The following DEF8 variants were observed in gnomAD, a reference collection of about 807,000 sequenced individuals.
DEF8 encodes the protein DEF-8.
DEF8 carries 38 observed loss-of-function variants against 59.1 expected under a neutral mutation model. That is an observed-to-expected ratio of 0.64 (90% CI 0.50 to 0.84). The LOEUF is 0.84. Ranked by LOEUF, DEF8 falls within the 40% of genes least tolerant of loss-of-function variation. The pLI is 0.00. For missense variants in DEF8, 557 were observed against 615.2 expected, an observed-to-expected ratio of 0.91 and a Z score of 1.00; for synonymous variants, 265 against 250.1, an observed-to-expected ratio of 1.06 and a Z score of -0.56.
chr16:89,958,303 C>T (rs2033544072), intron 5 of DEF8: 1 of 153,996 alleles, frequency 6.5e-6, no homozygotes, highest in Admixed American at 6.4e-5. Context: ...GTGTGCCCAC[C>T]CACTGAAGCA....
chr16:89,963,532 T>C, intron 10 of DEF8, 89 bp downstream of exon 10: 3 of 1,081,678 alleles, frequency 2.8e-6, no homozygotes, highest in South Asian at 1.4e-5. Flanking sequence ...GGACAGCTTG[T>C]GCGTGGAGTG....
chr16:89,963,297 C>G (rs1169159392), intron 9 of DEF8, 66 bp from the exon 10 acceptor site: 2 of 1,409,726 alleles, frequency 1.4e-6, no homozygotes, highest in Admixed American at 2.1e-5. Flanking sequence ...CCCGGGTGTG[C>G]GGCCCACACA....
rs759804010 is a variant in DEF8, at chr16:89,961,847, G to A, written c.790G>A (p.Asp264Asn). Reference protein sequence around the residue: ...VIPARVVHNWDFEPRKVSRCS... With the variant: ...VIPARVVHNWNFEPRKVSRCS... ...CCCTGCACGCGTTGTACACAACTGG[G>A]ACTTTGAGCCTCGAAAGGTGGGGGT... is the stretch of plus-strand genomic sequence containing the variant. Residue 264 changes from aspartate (D) to asparagine (N), a missense_variant, in exon 8 of 13, where the codon GAC (aspartate) becomes AAC (asparagine). Asp to Asn is a conservative substitution (Grantham distance 23). Coordinates refer to ENST00000563594, the MANE Select transcript of DEF8 (RefSeq NM_001242818.2). 6.2e-7 allele frequency: 1 copy of A among 1,605,136 alleles called. No homozygotes were observed. The highest frequency in any genetic ancestry group is 1.1e-5 in the South Asian group (1 of 90,036).
In DEF8 at chr16:89,962,072, C is replaced by T. The variant is rs150893049; in HGVS notation, c.868C>T (p.Arg290Trp). Reference sequence around the variant, plus strand: ...GGTGTCTCGGCCCGTACTCAGGCTCCGGGAGATCAACCCTCTGCTGTTCAG... The same window carrying T: ...GGTGTCTCGGCCCGTACTCAGGCTCTGGGAGATCAACCCTCTGCTGTTCAG... ...LMVSRPVLRL[R>W]EINPLLFSYV... Residue 290 changes from arginine (R) to tryptophan (W), a missense_variant, in exon 9 of 13, where the codon CGG becomes TGG. Arg to Trp is a moderately radical substitution (Grantham distance 101). Transcript: ENST00000563594. 2.6e-5 allele frequency: 42 copies of T among 1,614,038 alleles called. No homozygotes were observed. The highest frequency in any genetic ancestry group is 3.2e-5 in the Non-Finnish European group (38 of 1,179,998).
chr16:89,957,362 G>C (rs1439256477), intron 4 of DEF8, 149 bp from the exon 5 acceptor site: 1 of 842,114 alleles, frequency 1.2e-6, no homozygotes, highest in African/African-American at 1.7e-5. Flanking sequence ...TTCCTGCCCT[G>C]GAGCAAGTCC....
chr16:89,961,948 G>A, intron 8 of DEF8, 64 bp from the exon 9 acceptor site: 1 of 1,606,296 alleles, frequency 6.2e-7, no homozygotes, highest in Non-Finnish European at 8.5e-7. Context: ...ACCCCTGGTT[G>A]GGTGTTGCCC....
rs371675598 is a variant in DEF8, at chr16:89,957,289, G to C, written c.223-222G>C. On this transcript the variant is annotated intron_variant, in intron 4 of 12. Transcript: ENST00000563594. ...TCAAACATTAGGTTTTCAGAGGTCT[G>C]TGGGCAGGCAGGTCAGGCTAGGAGC... The C allele has an allele frequency of 3.0e-5, 13 of 437,022 alleles. 1 individual carries two copies. In the Admixed American group the frequency reaches 4.3e-4, roughly 15 times the overall value. The allele number at this position is 437,022 out of a possible 1,614,324, so 27.1% of individuals were successfully genotyped here.
intron 4 of DEF8, among the ~76,000 whole-genome samples, chr16:89,955,880 G>A (rs569293685): frequency 6.6e-6 from 1 of 151,932 alleles, no homozygotes; most frequent in Non-Finnish European, 1.5e-5. Flanking sequence ...AGACCATCCT[G>A]GCTAACACGG....
intron 4 of DEF8, 48 bp downstream of exon 4, chr16:89,955,314 G>A (rs1334908058): frequency 2.0e-6 from 3 of 1,514,758 alleles, no homozygotes; most frequent in African/African-American, 2.7e-5. Flanking sequence ...GAACCCCCAA[G>A]GCAGGAAGGG....
In DEF8 at chr16:89,964,460, C is replaced by T. The variant is rs777699003; in HGVS notation, c.1144-6C>T. On this transcript the variant is annotated splice_region_variant and splice_polypyrimidine_tract_variant and intron_variant, in intron 11 of 12. Coordinates refer to ENST00000563594, the MANE Select transcript of DEF8 (RefSeq NM_001242818.2). ...CCGTGCCCCAACCCCACACTGTTCC[C>T]CCCAGCGGTGCCAGGCCAAGGGCTT... The T allele has an allele frequency of 5.1e-6, 8 of 1,583,202 alleles. No homozygotes were observed. The highest frequency in any genetic ancestry group is 3.6e-5 in the Admixed American group (2 of 55,436).
At position 89,963,377 on chromosome 16, in the gene DEF8, C is replaced by T. The variant is rs1348936721; in HGVS notation, c.936C>T (p.Asp312=). 2 of 1,613,664 alleles carry T rather than the reference C, an allele frequency of 1.2e-6. No individual in the cohort carries two copies. Residue 312 remains aspartate (D), a synonymous_variant, in exon 10 of 13, where the codon GAC becomes GAT. Coordinates refer to ENST00000563594, the MANE Select transcript of DEF8 (RefSeq NM_001242818.2). ...ELVEIRKLRQ[D]ILLMKPYFIT... ...CTTGTTTGCAGAAGCTGCGCCAGGACATCCTGCTCATGAAGCCGTACTTCA... is the reference window on the plus strand; with the variant it reads ...CTTGTTTGCAGAAGCTGCGCCAGGATATCCTGCTCATGAAGCCGTACTTCA...
At chr16:89,948,875 C>T (rs574122413) in intron 1 of DEF8, 61 bp downstream of exon 1, 6,209 of 380,668 alleles carry the variant, frequency 0.016, 190 homozygotes, top group Admixed American at 0.065. Context: ...GGGGACGGGG[C>T]CGGCGGGGAC....
chr16:89,965,903 C>A lies in DEF8; in HGVS notation c.1296C>A (p.Ala432=), dbSNP rs1188575175. ...ACTCCACCACTTGTCCCAAGTGTGC[C>A]CGGCTCAGCCTGAGGAAGCAGTCGC... ...YDNSTTCPKC[A]RLSLRKQSLF... The change falls in exon 13 of 13, where the codon GCC becomes GCA. Residue 432 remains alanine (A), a synonymous_variant. Transcript: ENST00000563594. 6.2e-7 allele frequency: 1 copy of A among 1,613,722 alleles called. No homozygotes were observed. The highest frequency in any genetic ancestry group is 1.1e-5 in the South Asian group (1 of 91,062).
At position 89,949,288 on chromosome 16, in the gene DEF8, C is replaced by T. The variant is rs563902477; in HGVS notation, c.-107-129C>T. 1.3e-5 allele frequency: 10 copies of T among 773,422 alleles called. 1 individual carries two copies. The South Asian group carries it at 1.9e-4, about 15-fold the overall frequency. The allele number at this position is 773,422 out of a possible 1,614,324, so 47.9% of individuals were successfully genotyped here. A position where few individuals can be genotyped will look rare whatever the true frequency, so the allele number is the denominator to read the frequency against. On this transcript the variant is annotated intron_variant, in intron 1 of 12. Transcript: ENST00000563594. ...TGCCCCCGCCCTGGGCTGCTCCGAG[C>T]CTCAGTTTCCCCCTCGGTGGAACGG...
chr16:89,960,854 G>C (rs779877784), intron 6 of DEF8, 77 bp from the exon 7 acceptor site: 10 of 1,519,890 alleles, frequency 6.6e-6, no homozygotes, highest in Non-Finnish European at 8.1e-6. Flanking sequence ...ACGGGGAGGG[G>C]GCAAGCCAGC....
intron 5 of DEF8, 59 bp downstream of exon 5, chr16:89,957,719 C>T: frequency 1.4e-6 from 2 of 1,463,314 alleles, no homozygotes; most frequent in African/African-American, 1.4e-5. Flanking sequence ...AACTGTGGAA[C>T]TAGGAGGACC....
At chr16:89,956,001 A>G (rs2033108888) in intron 4 of DEF8, among the ~76,000 whole-genome samples, 2 of 152,040 alleles carry the variant, frequency 1.3e-5, no homozygotes, top group Admixed American at 1.3e-4. Flanking sequence ...TGAACCTAGG[A>G]GGCAGAGTTT....
At chr16:89,958,759 C>T (rs184918134) in intron 5 of DEF8, among the ~76,000 whole-genome samples, 12 of 152,316 alleles carry the variant, frequency 7.9e-5, no homozygotes, top group Admixed American at 1.3e-4. Flanking sequence ...TGCAATCCCA[C>T]ACAGCCCCTC....
chr16:89,960,266 C>G (rs1160087980), intron 6 of DEF8, among the ~76,000 whole-genome samples: 4 of 152,020 alleles, frequency 2.6e-5, no homozygotes, highest in African/African-American at 9.7e-5. Context: ...GGGGATGACT[C>G]TGATTGGGCT....
Sources: allele counts gnomAD v4.1 joint callset (sites outside exome capture counted in the v4.1 genomes callset), GRCh38; gene constraint gnomAD v4.1.1; transcripts MANE v1.5; gene names NCBI Gene and HGNC (gene_info 2026-07-23, HGNC 2026-07-21).